Variants in DLG2 observed in about 807,000 individuals in gnomAD.
DLG2 encodes disks large homolog 2.
DLG2 carries 45 observed loss-of-function variants against 132.5 expected under a neutral mutation model. The observed-to-expected ratio is 0.34, with a 90% CI of 0.27 to 0.44. The LOEUF is 0.44. Among genes scored for constraint, DLG2 ranks in the 20% least tolerant of loss-of-function variants. The pLI is 1.00. For synonymous variants in DLG2, 424 were observed against 419.6 expected, an observed-to-expected ratio of 1.01 and a Z score of -0.13; for missense variants, 1,045 against 1,196.9, an observed-to-expected ratio of 0.87 and a Z score of 1.87.
intron 9 of DLG2, among the ~76,000 whole-genome samples, chr11:84,124,077 T>G (rs73515741): frequency 6.6e-6 from 1 of 152,218 alleles, no homozygotes; most frequent in Non-Finnish European, 1.5e-5. Context: ...AACAAAAAAC[T>G]TCAGTGAAGG....
At chr11:84,124,573 T>C (rs2094077402) in intron 9 of DLG2, among the ~76,000 whole-genome samples, 1 of 152,204 alleles carries the variant, frequency 6.6e-6, no homozygotes, top group Non-Finnish European at 1.5e-5. Context: ...AACAAATGTT[T>C]AGTGAAGGAT....
intron 7 of DLG2, among the ~76,000 whole-genome samples, chr11:84,509,702 A>C (rs1470117777): frequency 6.6e-6 from 1 of 152,214 alleles, no homozygotes; most frequent in Non-Finnish European, 1.5e-5. Flanking sequence ...TATATGTTTA[A>C]AATGACAAAA....
At chr11:85,382,123 A>T (rs565042590) in intron 3 of DLG2, among the ~76,000 whole-genome samples, 1 of 152,166 alleles carries the variant, frequency 6.6e-6, no homozygotes, top group Non-Finnish European at 1.5e-5. Context: ...TCCCTATTTC[A>T]AAACTTACTT....
chr11:84,935,664 C>T (rs2048654294), intron 6 of DLG2, among the ~76,000 whole-genome samples: 1 of 152,066 alleles, frequency 6.6e-6, no homozygotes, highest in Non-Finnish European at 1.5e-5. Context: ...TTATTGGCAT[C>T]TAATGGGTAG....
chr11:84,935,972 T>G (rs986415511), intron 6 of DLG2, among the ~76,000 whole-genome samples: 17 of 152,228 alleles, frequency 1.1e-4, no homozygotes, highest in African/African-American at 4.1e-4. Flanking sequence ...TACTAAAATT[T>G]AAAACTAGTT....
At chr11:84,931,308 C>T (rs975937116) in intron 6 of DLG2, among the ~76,000 whole-genome samples, 2 of 152,070 alleles carry the variant, frequency 1.3e-5, no homozygotes, top group African/African-American at 4.8e-5. Flanking sequence ...CTCCCTTCTC[C>T]CACCCTTTAT....
intron 8 of DLG2, among the ~76,000 whole-genome samples, chr11:84,244,818 C>T (rs1190718119): frequency 6.6e-6 from 1 of 152,110 alleles, no homozygotes; most frequent in Non-Finnish European, 1.5e-5. Flanking sequence ...AATATCATAC[C>T]ATTATTAATC....
chr11:83,587,802 A>C (rs112492562), intron 19 of DLG2, among the ~76,000 whole-genome samples: 1 of 152,190 alleles, frequency 6.6e-6, no homozygotes, highest in Non-Finnish European at 1.5e-5. Context: ...CGCGAGCCGA[A>C]GCAGGGCGAG....
intron 3 of DLG2, among the ~76,000 whole-genome samples, chr11:85,566,595 T>C (rs902318534): frequency 2.4e-4 from 37 of 152,068 alleles, no homozygotes; most frequent in African/African-American, 8.7e-4. Flanking sequence ...TATATATTCA[T>C]ATGGCAGAAA....
chr11:84,994,616 CAG>C (rs758976420), intron 6 of DLG2, among the ~76,000 whole-genome samples: 1 of 152,022 alleles, frequency 6.6e-6, no homozygotes. Context: ...TAAAAACAAA[CAG>C]AGCACAGGGA....
At chr11:85,186,968 T>A (rs1186207231) in intron 4 of DLG2, among the ~76,000 whole-genome samples, 1 of 152,042 alleles carries the variant, frequency 6.6e-6, no homozygotes, top group Non-Finnish European at 1.5e-5. Context: ...TCTCAGAGTA[T>A]CCCCCTTAAA....
intron 6 of DLG2, among the ~76,000 whole-genome samples, chr11:84,943,896 A>G (rs1262338930): frequency 6.6e-6 from 1 of 152,080 alleles, no homozygotes; most frequent in African/African-American, 2.4e-5. Flanking sequence ...CAGGCTAAAG[A>G]ACTCTCTTTA....
At chr11:84,552,178 T>A (rs2099403051) in intron 6 of DLG2, among the ~76,000 whole-genome samples, 1 of 152,172 alleles carries the variant, frequency 6.6e-6, no homozygotes, top group Non-Finnish European at 1.5e-5. Context: ...GCAGATATAT[T>A]TGTTTTTGTT....
intron 8 of DLG2, among the ~76,000 whole-genome samples, chr11:84,177,232 A>G (rs1457370598): frequency 6.6e-6 from 1 of 152,082 alleles, no homozygotes; most frequent in Non-Finnish European, 1.5e-5. Flanking sequence ...ACTCCTACTT[A>G]GCCTTTAAAA....
intron 7 of DLG2, among the ~76,000 whole-genome samples, chr11:84,353,938 A>G (rs561712241): frequency 6.6e-5 from 10 of 152,142 alleles, no homozygotes; most frequent in Non-Finnish European, 1.3e-4. Flanking sequence ...CTGATATAAG[A>G]TCCCCCCACT....
At chr11:85,603,521 T>G (rs910841062) in intron 2 of DLG2, among the ~76,000 whole-genome samples, 2 of 152,084 alleles carry the variant, frequency 1.3e-5, no homozygotes, top group African/African-American at 4.8e-5. Context: ...CCTTTTTCTT[T>G]TCTCTCTCTT....
intron 6 of DLG2, among the ~76,000 whole-genome samples, chr11:84,878,846 GACTT>G (rs1324161845): frequency 6.6e-6 from 1 of 152,104 alleles, no homozygotes; most frequent in Non-Finnish European, 1.5e-5. Context: ...TTTTTCCATT[GACTT>G]ACTATTTTTT....
Position 84,545,204 on chromosome 11 carries a change from C to CA in DLG2, c.358-10474dup, listed in dbSNP as rs1310338503. On this transcript the variant is annotated intron_variant, in intron 6 of 27. Coordinates refer to ENST00000376104, the MANE Select transcript of DLG2 (RefSeq NM_001142699.3). ...GAGCCTCCTTGGTTTCATGGTTTGG[C>CA]AAAGGATTGTCCTTCATCACCAGAG... 5 of 456,942 alleles carry CA rather than the reference C, an allele frequency of 1.1e-5. No homozygotes were observed. The East Asian group carries it at 2.8e-4, about 25-fold the overall frequency. The allele number at this position is 456,942 out of a possible 1,614,324, so 28.3% of individuals were successfully genotyped here.
chr11:85,300,300 A>T (rs1470321997), intron 3 of DLG2, among the ~76,000 whole-genome samples: 1 of 152,196 alleles, frequency 6.6e-6, no homozygotes, highest in East Asian at 1.9e-4. Flanking sequence ...AGGCAGAGAA[A>T]GGTTTGTTGG....
Sources: allele counts gnomAD v4.1 joint callset (sites outside exome capture counted in the v4.1 genomes callset), GRCh38; gene constraint gnomAD v4.1.1; transcripts MANE v1.5; gene names NCBI Gene and HGNC (gene_info 2026-07-23, HGNC 2026-07-21).